The following SYNE1 variants were observed in gnomAD, a reference collection of about 807,000 sequenced individuals.
The protein encoded by SYNE1 is nesprin-1.
Under a neutral mutation model 1,111.0 loss-of-function variants are expected in SYNE1, and 616 were observed. The ratio of observed to expected loss-of-function variants is 0.55; its 90% CI spans 0.52 to 0.59. The LOEUF (loss-of-function observed/expected upper bound fraction) is 0.59, where lower values mean the gene tolerates loss of function less well. Among genes scored for constraint, SYNE1 ranks in the 20% least tolerant of loss-of-function variants. SYNE1 has a pLI of 0.00. For missense variants in SYNE1, 10,006 were observed against 10,417.0 expected, an observed-to-expected ratio of 0.96 and a Z score of 1.72; for synonymous variants, 3,855 against 3,825.8, an observed-to-expected ratio of 1.01 and a Z score of -0.28.
chr6:152,222,964 G>T (rs892199970), intron 117 of SYNE1, among the ~76,000 whole-genome samples: 1 of 152,174 alleles, frequency 6.6e-6, no homozygotes, highest in Admixed American at 6.5e-5. Flanking sequence ...CTGAAAGAAA[G>T]TTGTTTCTCT....
chr6:152,152,086 T>C lies in SYNE1; in HGVS notation c.24185A>G (p.Gln8062Arg). The C allele has an allele frequency of 1.9e-6, 3 of 1,614,226 alleles. No individual in the cohort carries two copies. The highest frequency in any genetic ancestry group is 2.2e-5 in the East Asian group (1 of 44,886). ...GTTCTCCCTGGCCAGGCGGCGGTAC[T>C]GCTTGTTGATCAGTTCCAGCTGCGT... ...CLTQLELINK[Q>R]YRRLARENRT... Residue 8062 changes from glutamine (Q) to arginine (R), a missense_variant, in exon 134 of 146, where the codon CAG (glutamine) becomes CGG (arginine). By Grantham distance (43) the Gln-to-Arg change is conservative. Around this residue, in one of 7 missense-constraint regions of SYNE1, gnomAD observed 2,182 missense variants for 2,287.8 expected, o/e 0.95. Transcript: ENST00000367255.
chr6:152,238,990 C>A (rs1196658286), intron 108 of SYNE1, among the ~76,000 whole-genome samples: 1 of 151,854 alleles, frequency 6.6e-6, no homozygotes, highest in African/African-American at 2.4e-5. Flanking sequence ...CCACTGCCTC[C>A]CGGTTCAAGT....
Position 152,231,408 on chromosome 6 carries a change from C to G in SYNE1, c.21022G>C (p.Gly7008Arg). ...TGGCTTACCTTCTCAGTTACTAGACCTTGCAGAATTTGCCAACTTTTATTC... is the reference window on the plus strand; with the variant it reads ...TGGCTTACCTTCTCAGTTACTAGACGTTGCAGAATTTGCCAACTTTTATTC... The part of the protein sequence containing the change: ...AMNKSWQILQ[G>R]LVTEKIQLLE... The change falls in exon 114 of 146, where the codon GGT becomes CGT. Residue 7008 changes from glycine to arginine, a missense_variant. Coordinates refer to ENST00000367255, the MANE Select transcript of SYNE1 (RefSeq NM_182961.4). 1 of 1,614,084 alleles carries G rather than the reference C, an allele frequency of 6.2e-7. No individual in the cohort carries two copies. The highest frequency in any genetic ancestry group is 8.5e-7 in the Non-Finnish European group (1 of 1,180,010).
chr6:152,411,652 A>G (rs2098045873), intron 42 of SYNE1, among the ~76,000 whole-genome samples: 1 of 151,870 alleles, frequency 6.6e-6, no homozygotes, highest in Admixed American at 6.6e-5. Flanking sequence ...AAATGTGCCA[A>G]TTCTGAGCAC....
chr6:152,204,534 A>G (rs181657147), intron 126 of SYNE1, among the ~76,000 whole-genome samples: 1 of 152,318 alleles, frequency 6.6e-6, no homozygotes, highest in East Asian at 1.9e-4. Context: ...CTAAATATAG[A>G]TAAGTATTAT....
intron 87 of SYNE1, among the ~76,000 whole-genome samples, chr6:152,311,782 TA>T (rs748128055): frequency 0.019 from 2,908 of 151,338 alleles, 103 homozygotes; most frequent in African/African-American, 0.065. Flanking sequence ...ACTATTTATT[TA>T]TTTCTTTTTT....
rs114051348 is a variant in SYNE1 at position 152,477,779 on chromosome 6, C to A, written c.1350+5306G>T. Among the ~76,000 whole-genome samples, 541 of 152,168 alleles carry A rather than the reference C, an allele frequency of 3.6e-3. 4 individuals carry two copies. Among genetic ancestry groups the A allele is most frequent in the African/African-American group, 0.013 (520 of 41,520 alleles). ...TATTTGTTGAAAGAATAGGGAAGAC[C>A]AGAAAGGTACAGCCAGGGGAGTAGG... On this transcript the variant is annotated intron_variant, in intron 14 of 145. Transcript: ENST00000367255.
chr6:152,415,867 G>A (rs1329443008), intron 41 of SYNE1, among the ~76,000 whole-genome samples: 3 of 147,766 alleles, frequency 2.0e-5, no homozygotes, highest in African/African-American at 7.5e-5. Flanking sequence ...AAAAGTATCT[G>A]AGACAGGTCT....
chr6:152,596,289 A>G (rs1259472328), intron 3 of SYNE1, among the ~76,000 whole-genome samples: 1 of 131,582 alleles, frequency 7.6e-6, no homozygotes, highest in Non-Finnish European at 1.5e-5. Context: ...TTTTTTTGAG[A>G]TGACGTCTCA....
chr6:152,408,774 A>AAT (rs2097949311), intron 44 of SYNE1, among the ~76,000 whole-genome samples: 1 of 151,984 alleles, frequency 6.6e-6, no homozygotes, highest in African/African-American at 2.4e-5. Context: ...ACCAACATGG[A>AAT]GAAACCCCGT....
intron 3 of SYNE1, among the ~76,000 whole-genome samples, chr6:152,561,176 T>C (rs2099394017): frequency 1.3e-5 from 2 of 151,894 alleles, no homozygotes; most frequent in African/African-American, 4.8e-5. Context: ...AACCCTAGAC[T>C]CCACCAAAAA....
chr6:152,522,112 T>C (rs770805618), intron 5 of SYNE1, among the ~76,000 whole-genome samples: 5 of 152,036 alleles, frequency 3.3e-5, no homozygotes, highest in African/African-American at 4.8e-5. Context: ...TAGGGTACAA[T>C]TGGTTTTTCG....
At chr6:152,347,427 T>C (rs933819568) in intron 72 of SYNE1, among the ~76,000 whole-genome samples, 192 bp from the exon 73 acceptor site, 8 of 152,160 alleles carry the variant, frequency 5.3e-5, no homozygotes, top group Admixed American at 6.5e-5. Flanking sequence ...GAAGAGTCAA[T>C]GAGTTTAAGA....
intron 96 of SYNE1, among the ~76,000 whole-genome samples, 157 bp downstream of exon 96, chr6:152,283,821 C>T (rs943828462): frequency 1.3e-5 from 2 of 152,164 alleles, no homozygotes; most frequent in African/African-American, 2.4e-5. Context: ...AGGTGTGAAC[C>T]ACCCCTCCCG....
chr6:152,510,764 G>A (rs2099080909), intron 7 of SYNE1, among the ~76,000 whole-genome samples: 1 of 152,098 alleles, frequency 6.6e-6, no homozygotes, highest in African/African-American at 2.4e-5. Context: ...CCATCTTGAG[G>A]TGCTCGCTTT....
At chr6:152,528,272 A>G (rs2099174361) in intron 4 of SYNE1, among the ~76,000 whole-genome samples, 2 of 152,128 alleles carry the variant, frequency 1.3e-5, no homozygotes, top group Non-Finnish European at 2.9e-5. Flanking sequence ...CAGGCACTTC[A>G]TATCTATTGC....
intron 132 of SYNE1, 61 bp from the exon 133 acceptor site, chr6:152,155,103 C>A: frequency 1.2e-6 from 2 of 1,605,060 alleles, no homozygotes; most frequent in South Asian, 2.2e-5. Flanking sequence ...CTCCAGAACC[C>A]GGTCTGCTGC....
In SYNE1 at chr6:152,140,032, G is replaced by T. The variant is rs371112679; in HGVS notation, c.25376C>A (p.Thr8459Lys). 1 of 1,614,118 alleles carries T rather than the reference G, an allele frequency of 6.2e-7. No homozygotes were observed. Among genetic ancestry groups the T allele is most frequent in the Non-Finnish European group, 8.5e-7 (1 of 1,179,996 alleles). The change falls in exon 140 of 146, where the codon ACG becomes AAG. Residue 8459 changes from threonine (T) to lysine (K), a missense_variant. Physicochemically the swap from Thr to Lys is moderately conservative, Grantham distance 78. Around this residue, in one of 7 missense-constraint regions of SYNE1, gnomAD observed 761 missense variants for 795.5 expected, o/e 0.96. Coordinates refer to ENST00000367255, the MANE Select transcript of SYNE1 (RefSeq NM_182961.4). ...CTGGAGCTGTTCCAACTCCTCCTCCGTGTCCCCCAGCCAGGCCCAGATGCT... is the reference window on the plus strand; with the variant it reads ...CTGGAGCTGTTCCAACTCCTCCTCCTTGTCCCCCAGCCAGGCCCAGATGCT... The part of the protein sequence containing the change: ...LNSIWAWLGD[T>K]EEELEQLQRL...
At chr6:152,609,743 G>T (rs1376230540) in intron 3 of SYNE1, among the ~76,000 whole-genome samples, 1 of 152,146 alleles carries the variant, frequency 6.6e-6, no homozygotes, top group Non-Finnish European at 1.5e-5. Context: ...ACCTCATATA[G>T]GCAGGTCTAT....
Sources: gnomAD v4.1 joint callset for allele counts (sites outside exome capture counted in the v4.1 genomes callset) on GRCh38, gnomAD v4.1.1 for gene constraint, gnomAD v4.1.1 regional missense constraint, MANE v1.5 for transcripts, NCBI Gene and HGNC (gene_info 2026-07-23, HGNC 2026-07-21) for gene names.